The following RBFOX1 variants were observed in gnomAD, a reference collection of about 807,000 sequenced individuals.
RBFOX1 encodes the protein RNA binding fox-1 homolog 1, also known as RNA binding protein fox-1 homolog 1.
Under a neutral mutation model 57.7 loss-of-function variants are expected in RBFOX1, and 8 were observed. The observed-to-expected ratio is 0.14, with a 90% CI of 0.08 to 0.25. The LOEUF (loss-of-function observed/expected upper bound fraction) is 0.25. Among genes scored for constraint, RBFOX1 ranks in the 10% least tolerant of loss-of-function variants. The probability of loss-of-function intolerance (pLI) is 1.00; values close to 1 mark genes in which losing one functional copy is unlikely to be tolerated. For missense variants in RBFOX1, 611 were observed against 548.5 expected, an observed-to-expected ratio of 1.11 and a Z score of -1.14; for synonymous variants, 326 against 222.4, an observed-to-expected ratio of 1.47 and a Z score of -4.15.
At chr16:5,829,019 G>A (rs1019700672) in intron 3 of RBFOX1, among the ~76,000 whole-genome samples, 5 of 152,224 alleles carry the variant, frequency 3.3e-5, no homozygotes, top group African/African-American at 7.2e-5. Context: ...GCAGATATCC[G>A]AAGACCTGGC....
intron 2 of RBFOX1, among the ~76,000 whole-genome samples, chr16:6,603,466 A>G (rs2097881867): frequency 6.6e-6 from 1 of 152,178 alleles, no homozygotes; most frequent in Non-Finnish European, 1.5e-5. Flanking sequence ...TGATTTAAGA[A>G]CCTTGCTCTT....
intron 4 of RBFOX1, among the ~76,000 whole-genome samples, chr16:7,073,030 G>T (rs989037413): frequency 5.3e-5 from 8 of 152,178 alleles, no homozygotes; most frequent in African/African-American, 1.9e-4. Flanking sequence ...CACAGGGAGG[G>T]TTAACTGTGA....
In RBFOX1 at chr16:7,349,206, G is replaced by A. The variant is rs552252237; in HGVS notation, c.28-168941G>A. Among the ~76,000 whole-genome samples, 94 of 152,200 alleles carry A rather than the reference G, an allele frequency of 6.2e-4. 2 individuals are homozygous for A. Among genetic ancestry groups the A allele is most frequent in the African/African-American group, 2.0e-3 (83 of 41,526 alleles). ...CTAAAACTTGGGTTAAAAATCAGGCGGCTCAAGAGATCAAGATATCTTCCT... is the reference window on the plus strand; with the variant it reads ...CTAAAACTTGGGTTAAAAATCAGGCAGCTCAAGAGATCAAGATATCTTCCT... On this transcript the variant is annotated intron_variant, in intron 4 of 15. Coordinates refer to ENST00000550418, the MANE Select transcript of RBFOX1 (RefSeq NM_018723.4).
intron 3 of RBFOX1, among the ~76,000 whole-genome samples, chr16:6,824,993 T>G (rs1459614546): frequency 2.9e-5 from 3 of 104,114 alleles, no homozygotes; most frequent in South Asian, 3.3e-4. Context: ...GTTTTTTTTT[T>G]TTTTTTTTTT....
chr16:5,816,002 G>A (rs1441343254), intron 3 of RBFOX1, among the ~76,000 whole-genome samples: 3 of 152,206 alleles, frequency 2.0e-5, no homozygotes, highest in African/African-American at 7.2e-5. Context: ...CAACCCTTGG[G>A]ATTTCTGGGT....
intron 11 of RBFOX1, among the ~76,000 whole-genome samples, chr16:7,652,496 C>A (rs1393848521): frequency 6.6e-6 from 1 of 152,200 alleles, no homozygotes; most frequent in Non-Finnish European, 1.5e-5. Flanking sequence ...CAACCTCCAC[C>A]TCCCAGGTTC....
In RBFOX1 at chr16:6,763,286, C is replaced by G. The variant is rs8046305; in HGVS notation, c.-16+108636C>G. ...ACAATTTCCTCCTGTTAGTGAGAAG[C>G]AAAGTCATTGGAAAAACCATTTACC... On this transcript the variant is annotated intron_variant, in intron 3 of 15. Coordinates refer to ENST00000550418, the MANE Select transcript of RBFOX1 (RefSeq NM_018723.4). Among the ~76,000 whole-genome samples the G allele has an allele frequency of 9.2e-5, 14 of 152,062 alleles. No homozygotes were observed. In the East Asian group the frequency reaches 2.3e-3, roughly 25 times the overall value.
intron 4 of RBFOX1, among the ~76,000 whole-genome samples, chr16:7,387,120 A>G (rs2097897466): frequency 6.6e-6 from 1 of 152,116 alleles, no homozygotes; most frequent in South Asian, 2.1e-4. Context: ...GATTCTGGAT[A>G]TTAGCCCTTT....
At chr16:5,952,585 C>T (rs1022638627) in intron 4 of RBFOX1, among the ~76,000 whole-genome samples, 1 of 152,180 alleles carries the variant, frequency 6.6e-6, no homozygotes, top group Admixed American at 6.5e-5. Context: ...CCATGCCCAG[C>T]CTATGTATAT....
At chr16:6,756,434 G>T (rs1421540930) in intron 3 of RBFOX1, among the ~76,000 whole-genome samples, 1 of 152,062 alleles carries the variant, frequency 6.6e-6, no homozygotes, top group African/African-American at 2.4e-5. Flanking sequence ...AGACTTCAAA[G>T]GCATAGGCAA....
chr16:5,478,603 C>G (rs2069413422), intron 2 of RBFOX1, among the ~76,000 whole-genome samples: 2 of 152,190 alleles, frequency 1.3e-5, no homozygotes, highest in African/African-American at 4.8e-5. Flanking sequence ...ATATGACCCC[C>G]CAAGATTCCG....
At chr16:7,456,482 C>G (rs1172146628) in intron 4 of RBFOX1, among the ~76,000 whole-genome samples, 1 of 152,246 alleles carries the variant, frequency 6.6e-6, no homozygotes, top group Non-Finnish European at 1.5e-5. Flanking sequence ...GCCTCTCCAA[C>G]TCCCAGCATT....
chr16:6,307,426 T>C (rs1162312340), intron 1 of RBFOX1, among the ~76,000 whole-genome samples: 3 of 151,828 alleles, frequency 2.0e-5, no homozygotes, highest in African/African-American at 7.3e-5. Context: ...TATTGTCCAA[T>C]ACTAAATGGA....
chr16:5,727,562 G>A (rs1189860720), intron 3 of RBFOX1, among the ~76,000 whole-genome samples: 1 of 152,162 alleles, frequency 6.6e-6, no homozygotes, highest in African/African-American at 2.4e-5. Flanking sequence ...TCACCATGAT[G>A]TATATCCGGT....
intron 5 of RBFOX1, among the ~76,000 whole-genome samples, chr16:7,576,422 C>G (rs1311747022): frequency 6.6e-6 from 1 of 152,186 alleles, no homozygotes; most frequent in Non-Finnish European, 1.5e-5. Flanking sequence ...ACTCCTCAAC[C>G]TCTACTTCCT....
intron 1 of RBFOX1, among the ~76,000 whole-genome samples, chr16:6,035,140 A>G (rs528446642): frequency 3.3e-5 from 5 of 152,178 alleles, no homozygotes; most frequent in Non-Finnish European, 5.9e-5. Context: ...CATCCATGAC[A>G]ACCAAAGACG....
chr16:6,177,566 C>G (rs1169171914), intron 1 of RBFOX1, among the ~76,000 whole-genome samples: 2 of 152,124 alleles, frequency 1.3e-5, no homozygotes, highest in East Asian at 3.9e-4. Flanking sequence ...AAGTGGATTT[C>G]TATCCTGTTT....
intron 3 of RBFOX1, among the ~76,000 whole-genome samples, chr16:6,836,393 A>G (rs552776433): frequency 3.0e-4 from 45 of 152,326 alleles, no homozygotes; most frequent in African/African-American, 9.4e-4. Flanking sequence ...GAAACCCCAT[A>G]GGGTTTTAAC....
intron 1 of RBFOX1, among the ~76,000 whole-genome samples, chr16:6,217,848 C>G (rs1020527647): frequency 3.3e-5 from 5 of 152,108 alleles, no homozygotes; most frequent in African/African-American, 1.2e-4. Context: ...AACTCTGTAT[C>G]TAGTAAAACT....
Sources: gnomAD v4.1 joint callset for allele counts (sites outside exome capture counted in the v4.1 genomes callset) on GRCh38, gnomAD v4.1.1 for gene constraint, MANE v1.5 for transcripts, NCBI Gene and HGNC (gene_info 2026-07-23, HGNC 2026-07-21) for gene names.